FOXP1: variants seen among roughly 807,000 people sequenced by gnomAD.
FOXP1 encodes forkhead box P1.
In FOXP1, 15 loss-of-function variants were observed where a neutral mutation model predicts 98.2. That is an observed-to-expected ratio of 0.15 (90% CI 0.10 to 0.24). The LOEUF is 0.24. Ranked by LOEUF, FOXP1 falls within the 10% of genes least tolerant of loss-of-function variation. The pLI is 1.00. For missense variants in FOXP1, 633 were observed against 848.5 expected (o/e 0.75, Z 3.15); for synonymous variants, 371 against 314.5 (o/e 1.18, Z -1.90).
At chr3:71,314,403 C>T (rs946659495) in intron 4 of FOXP1, among the ~76,000 whole-genome samples, 1 of 151,962 alleles carries the variant, frequency 6.6e-6, no homozygotes, top group Admixed American at 6.6e-5. Context: ...TGGCGGGAGC[C>T]TGTAATCCCA....
chr3:71,152,943 G>A (rs890581281), intron 6 of FOXP1, among the ~76,000 whole-genome samples: 1 of 152,098 alleles, frequency 6.6e-6, no homozygotes, highest in East Asian at 1.9e-4. Flanking sequence ...TTAATAACTC[G>A]GCAAGTCCTT....
chr3:70,992,278 A>C (rs2107534333), intron 13 of FOXP1, among the ~76,000 whole-genome samples: 1 of 152,338 alleles, frequency 6.6e-6, no homozygotes, highest in African/African-American at 2.4e-5. Context: ...ACGTTTCCTC[A>C]GTAGTTTCGT....
intron 11 of FOXP1, among the ~76,000 whole-genome samples, chr3:71,028,300 A>T (rs1343170520): frequency 6.6e-6 from 1 of 152,204 alleles, no homozygotes; most frequent in East Asian, 1.9e-4. Context: ...CTTCGGTAGA[A>T]TGCCACACCA....
chr3:71,417,741 T>C (rs2083321533), intron 3 of FOXP1, among the ~76,000 whole-genome samples: 1 of 152,208 alleles, frequency 6.6e-6, no homozygotes, highest in Admixed American at 6.5e-5. Flanking sequence ...GCATCTTAGC[T>C]GGCCCTGGAC....
intron 4 of FOXP1, among the ~76,000 whole-genome samples, chr3:71,313,650 C>G (rs1312484137): frequency 6.6e-6 from 1 of 151,898 alleles, no homozygotes. Flanking sequence ...CTCAGCCTCC[C>G]GATTAGCTGG....
chr3:71,035,769 G>T (rs1038141773), intron 11 of FOXP1, among the ~76,000 whole-genome samples: 1 of 151,158 alleles, frequency 6.6e-6, no homozygotes, highest in South Asian at 2.1e-4. Flanking sequence ...TCTGATTTTT[G>T]GGGAAAAAAA....
At chr3:71,048,806 G>C (rs1166914982) in intron 9 of FOXP1, among the ~76,000 whole-genome samples, 1 of 150,390 alleles carries the variant, frequency 6.6e-6, no homozygotes, top group African/African-American at 2.5e-5. Context: ...GACTATAATG[G>C]GGGGGGTACA....
intron 3 of FOXP1, among the ~76,000 whole-genome samples, chr3:71,426,368 A>T (rs898265287): frequency 3.9e-5 from 6 of 152,202 alleles, no homozygotes; most frequent in Non-Finnish European, 8.8e-5. Context: ...GACCATGGAA[A>T]CGTATGGTAT....
intron 2 of FOXP1, chr3:71,572,134 G>T (rs184486772): frequency 6.6e-6 from 1 of 152,196 alleles, no homozygotes; most frequent in Non-Finnish European, 1.5e-5. Flanking sequence ...TAACTGCTAA[G>T]TTCCAAGCCA....
chr3:71,549,438 A>T (rs1440881759), intron 2 of FOXP1, among the ~76,000 whole-genome samples: 1 of 152,204 alleles, frequency 6.6e-6, no homozygotes, highest in African/African-American at 2.4e-5. Context: ...ACAGTGGCAC[A>T]ATCTCGGCTC....
chr3:71,425,063 G>C (rs934369618), intron 3 of FOXP1, among the ~76,000 whole-genome samples: 2 of 152,120 alleles, frequency 1.3e-5, no homozygotes, highest in Non-Finnish European at 2.9e-5. Flanking sequence ...GCAAGTGTCA[G>C]ACAATAATCT....
chr3:71,514,103 T>C (rs2107355612), intron 2 of FOXP1, among the ~76,000 whole-genome samples: 1 of 152,288 alleles, frequency 6.6e-6, no homozygotes, highest in Middle Eastern at 3.4e-3. Flanking sequence ...CCTTTAATGG[T>C]ATGGCCCCAA....
chr3:71,364,790 AAAG>A (rs2078804779), intron 3 of FOXP1, among the ~76,000 whole-genome samples: 1 of 152,244 alleles, frequency 6.6e-6, no homozygotes, highest in South Asian at 2.1e-4. Flanking sequence ...CATGATTAAA[AAAG>A]AAGTCACATT....
intron 2 of FOXP1, among the ~76,000 whole-genome samples, chr3:71,531,558 C>T (rs2043852604): frequency 6.6e-6 from 1 of 152,186 alleles, no homozygotes; most frequent in Admixed American, 6.5e-5. Context: ...AAAGAAAGCA[C>T]ACTGCCTTGT....
At position 70,955,490 on chromosome 3, in the gene FOXP1, C is replaced by A. The variant is rs1363070268; in HGVS notation, c.*3757G>T. The A allele has an allele frequency of 4.3e-6, 1 of 232,450 alleles. No homozygotes were observed. 14.4% of individuals were successfully genotyped at this position (232,450 alleles called of 1,614,324 possible). A position where few individuals can be genotyped will look rare whatever the true frequency, so the allele number is the denominator to read the frequency against. On this transcript the variant is annotated 3_prime_UTR_variant, in exon 21 of 21. Coordinates refer to ENST00000649528, the MANE Select transcript of FOXP1 (RefSeq NM_001349338.3). ...CCTGACAGTGCATTTGTCTGACACA[C>A]GGGACTACCTCCCTAATGTATGCTT...
chr3:71,411,935 T>C (rs970741172), intron 3 of FOXP1, among the ~76,000 whole-genome samples: 8 of 152,198 alleles, frequency 5.3e-5, no homozygotes, highest in Non-Finnish European at 1.0e-4. Context: ...ATGAGATAAC[T>C]TACATTACAA....
chr3:71,197,993 A>G lies in FOXP1; in HGVS notation c.180+209T>C, dbSNP rs773394339. On this transcript the variant is annotated intron_variant, in intron 6 of 20. Coordinates refer to ENST00000649528, the MANE Select transcript of FOXP1 (RefSeq NM_001349338.3). ...CACAAGGGGACCTGCAGGACTTCCAACTCCCAAGGGCTTGAAATTAGTCTC... is the reference window on the plus strand; with the variant it reads ...CACAAGGGGACCTGCAGGACTTCCAGCTCCCAAGGGCTTGAAATTAGTCTC... 1.1e-5 allele frequency: 17 copies of G among 1,614,066 alleles called. No homozygotes were observed. In the South Asian group the frequency reaches 1.5e-4, roughly 15 times the overall value.
chr3:71,159,597 T>C (rs866183661), intron 6 of FOXP1, among the ~76,000 whole-genome samples: 18 of 152,186 alleles, frequency 1.2e-4, no homozygotes, highest in African/African-American at 4.3e-4. Context: ...CCCATTCTCT[T>C]TGATTATAAA....
intron 3 of FOXP1, among the ~76,000 whole-genome samples, chr3:71,398,993 C>G (rs1025730325): frequency 2.0e-5 from 3 of 152,038 alleles, no homozygotes; most frequent in Admixed American, 6.6e-5. Context: ...ATTTTATTCC[C>G]CTATCTACTT....
Sources: gnomAD v4.1 joint callset for allele counts (sites outside exome capture counted in the v4.1 genomes callset) on GRCh38, gnomAD v4.1.1 for gene constraint, MANE v1.5 for transcripts, NCBI Gene and HGNC (gene_info 2026-07-23, HGNC 2026-07-21) for gene names.